NRDE2: variants seen among roughly 807,000 people sequenced by gnomAD.
NRDE2 encodes NRDE-2, necessary for RNA interference, domain containing.
NRDE2 carries 76 observed loss-of-function variants against 124.2 expected under a neutral mutation model. The ratio of observed to expected loss-of-function variants is 0.61; its 90% CI spans 0.51 to 0.74. NRDE2 has a LOEUF of 0.74. Among genes scored for constraint, NRDE2 ranks in the 30% least tolerant of loss-of-function variants. The pLI is 0.00. For missense variants in NRDE2, 1,314 were observed against 1,417.3 expected (o/e 0.93, Z 1.17); for synonymous variants, 489 against 528.1 (o/e 0.93, Z 1.01).
intron 1 of NRDE2, among the ~76,000 whole-genome samples, chr14:90,330,737 G>C (rs1211026092): frequency 1.3e-5 from 2 of 150,958 alleles, no homozygotes; most frequent in Non-Finnish European, 2.9e-5. Context: ...AAGCCCAGGA[G>C]TCTGAGGCGG....
chr14:90,306,452 A>G (rs1566694458), intron 4 of NRDE2, among the ~76,000 whole-genome samples: 1 of 152,174 alleles, frequency 6.6e-6, no homozygotes, highest in African/African-American at 2.4e-5. Flanking sequence ...CTATCTCATG[A>G]CAGTCTCTTG....
chr14:90,330,426 T>C (rs1489840836), intron 1 of NRDE2, among the ~76,000 whole-genome samples: 1 of 152,150 alleles, frequency 6.6e-6, no homozygotes, highest in Non-Finnish European at 1.5e-5. Flanking sequence ...GGGCTAACTA[T>C]GCTACAATGA....
chr14:90,283,398 G>A (rs1892009035), intron 12 of NRDE2, among the ~76,000 whole-genome samples: 1 of 152,184 alleles, frequency 6.6e-6, no homozygotes, highest in South Asian at 2.1e-4. Context: ...GCCTCTACCT[G>A]TAAAAGACTG....
At chr14:90,330,216 AAT>A (rs1491081612) in intron 1 of NRDE2, among the ~76,000 whole-genome samples, 90 of 135,800 alleles carry the variant, frequency 6.6e-4, no homozygotes, top group Non-Finnish European at 1.1e-3. Context: ...CAAAAAAAAA[AAT>A]AAATAAATAA....
chr14:90,298,345 C>T lies in NRDE2; in HGVS notation c.1581G>A (p.Glu527=), dbSNP rs750227068. Residue 527 remains glutamate (E), a synonymous_variant, in exon 8 of 14, where the codon GAG becomes GAA. Coordinates refer to ENST00000354366, the MANE Select transcript of NRDE2 (RefSeq NM_017970.4). ...GGGCTCCCTTCTCCCCAGCCCGGGG[C>T]TCTCCACTGTCCCAAAAGGGTTCAA... ...EFFEPFWDSG[E]PRAGEKGARG... 13 of 1,613,634 alleles carry T rather than the reference C, an allele frequency of 8.1e-6. No individual in the cohort carries two copies. Among genetic ancestry groups the T allele is most frequent in the Admixed American group, 1.7e-5 (1 of 59,994 alleles).
Position 90,308,597 on chromosome 14 carries a change from C to T in NRDE2, c.557+3797G>A, listed in dbSNP as rs375043781. On this transcript the variant is annotated intron_variant, in intron 4 of 13. Transcript: ENST00000354366. Reference sequence around the variant, plus strand: ...AGGCCAAATGCCCATCTAGTCCTCACATGACAGTGCTGGTCAAATCCTAAC... The same window carrying T: ...AGGCCAAATGCCCATCTAGTCCTCATATGACAGTGCTGGTCAAATCCTAAC... 2.6e-5 allele frequency among the ~76,000 whole-genome samples: 4 copies of T among 152,178 alleles called. No individual in the cohort carries two copies. In the East Asian group the frequency reaches 7.7e-4, roughly 29 times the overall value.
At chr14:90,314,756 C>G (rs562360729) in intron 3 of NRDE2, among the ~76,000 whole-genome samples, 1 of 152,262 alleles carries the variant, frequency 6.6e-6, no homozygotes, top group Admixed American at 6.5e-5. Flanking sequence ...CTGTAATGGG[C>G]CCTGTGCACC....
rs757724317 is a variant in NRDE2 at position 90,288,645 on chromosome 14, G to A, written c.2730C>T (p.Phe910=). 6.2e-7 allele frequency: 1 copy of A among 1,614,128 alleles called. No homozygotes were observed. The highest frequency in any genetic ancestry group is 8.5e-7 in the Non-Finnish European group (1 of 1,180,044). The change falls in exon 11 of 14, where the codon TTC becomes TTT. Residue 910 remains phenylalanine, a synonymous_variant. Coordinates refer to ENST00000354366, the MANE Select transcript of NRDE2 (RefSeq NM_017970.4). ...CTATGGTCAAATACTGGAAGAGCAT[G>A]AAGCATTTAGCCAGGCTAATTAGGC... is the stretch of plus-strand genomic sequence containing the variant. ...CSRLISLAKC[F]MLFQYLTIGI...
intron 1 of NRDE2, among the ~76,000 whole-genome samples, chr14:90,325,969 A>C (rs716122): frequency 0.32 from 48,459 of 151,998 alleles, 8,939 homozygotes; most frequent in East Asian, 0.51. Flanking sequence ...ACACTATTTT[A>C]CATTTTTATA....
Position 90,268,479 on chromosome 14 carries a change from A to T in NRDE2, c.*9857T>A. 1 of 1,504,610 alleles carries T rather than the reference A, an allele frequency of 6.6e-7. No homozygotes were observed. The highest frequency in any genetic ancestry group is 9.2e-7 in the Non-Finnish European group (1 of 1,092,298). 93.2% of individuals were successfully genotyped at this position (1,504,610 alleles called of 1,614,324 possible). A position where few individuals can be genotyped will look rare whatever the true frequency, so the allele number is the denominator to read the frequency against. On this transcript the variant is annotated 3_prime_UTR_variant, in exon 14 of 14. Transcript: ENST00000354366. ...ACACCGCATAGCTCTTCTCTTGAGA[A>T]TGAGCAATCTCAGGGGGCTCTCCCT...
At position 90,330,467 on chromosome 14, in the gene NRDE2, T is replaced by C. The variant is rs555516892; in HGVS notation, c.64+1374A>G. On this transcript the variant is annotated intron_variant, in intron 1 of 13. Transcript: ENST00000354366. ...CAAACACTGCCCAACCTGATAGAGA[T>C]TACAGTCTAGTAAGGGAAGACAACA... 7.2e-5 allele frequency among the ~76,000 whole-genome samples: 11 copies of C among 152,190 alleles called. No homozygotes were observed. In the South Asian group the frequency reaches 2.1e-3, roughly 29 times the overall value.
chr14:90,321,144 A>C (rs1885225889), intron 1 of NRDE2, among the ~76,000 whole-genome samples: 1 of 152,246 alleles, frequency 6.6e-6, no homozygotes, highest in South Asian at 2.1e-4. Context: ...TATTCTAGAT[A>C]GTGATGACAG....
intron 6 of NRDE2, 101 bp from the exon 7 acceptor site, chr14:90,301,473 T>A (rs1884401190): frequency 1.0e-6 from 1 of 968,458 alleles, no homozygotes; most frequent in Admixed American, 2.3e-5. Context: ...AGAACACCTT[T>A]CACCTGCAAT....
chr14:90,297,754 C>T (rs1884229105), intron 8 of NRDE2, among the ~76,000 whole-genome samples: 1 of 151,878 alleles, frequency 6.6e-6, no homozygotes, highest in African/African-American at 2.4e-5. Context: ...ACCAGCCTGG[C>T]CAACATGGCG....
intron 4 of NRDE2, among the ~76,000 whole-genome samples, chr14:90,308,245 T>C (rs1018805212): frequency 6.6e-6 from 1 of 152,192 alleles, no homozygotes; most frequent in Admixed American, 6.5e-5. Flanking sequence ...AGACAGTATA[T>C]TAGTCTTAAG....
chr14:90,301,319 C>G lies in NRDE2; in HGVS notation c.1465G>C (p.Ala489Pro). The G allele has an allele frequency of 1.9e-6, 3 of 1,613,764 alleles. No homozygotes were observed. Among genetic ancestry groups the G allele is most frequent in the Non-Finnish European group, 1.7e-6 (2 of 1,179,872 alleles). Residue 489 changes from alanine to proline, a missense_variant, in exon 7 of 14, where the codon GCC becomes CCC. Physicochemically the swap from Ala to Pro is conservative, Grantham distance 27. Transcript: ENST00000354366. ...ACCATGGCCTGGAACAATGAGATGG[C>G]CTTCTCAGAGTGGCCAGCCTGCCGC... Reference protein sequence around the residue: ...FLRQAGHSEKAISLFQAMVDF... With the variant: ...FLRQAGHSEKPISLFQAMVDF...
At chr14:90,291,908 G>A (rs1041462323) in intron 9 of NRDE2, among the ~76,000 whole-genome samples, 8 of 152,364 alleles carry the variant, frequency 5.3e-5, no homozygotes, top group Middle Eastern at 3.4e-3. Context: ...AGGCACTGAC[G>A]TCAGAGCACT....
At chr14:90,301,765 A>G in intron 6 of NRDE2, 1 of 456,428 alleles carries the variant, frequency 2.2e-6, no homozygotes, top group Non-Finnish European at 4.4e-6. Context: ...ACTAGATGGC[A>G]TTACTCACCA....
At chr14:90,299,409 G>GTCTGCAC (rs1884306607) in intron 7 of NRDE2, among the ~76,000 whole-genome samples, 1 of 2,304 alleles carries the variant, frequency 4.3e-4, no homozygotes, top group African/African-American at 4.5e-4. Flanking sequence ...CGAGCATTAG[G>GTCTGCAC]TGTGTGGTAA....
Sources: gnomAD v4.1 joint callset for allele counts (sites outside exome capture counted in the v4.1 genomes callset) on GRCh38, gnomAD v4.1.1 for gene constraint, MANE v1.5 for transcripts, NCBI Gene and HGNC (gene_info 2026-07-23, HGNC 2026-07-21) for gene names.